The following IFNLR1 variants were observed in gnomAD, a reference collection of about 807,000 sequenced individuals.
The protein encoded by IFNLR1 is interferon lambda receptor 1, also known as CRF2-12.
A neutral mutation model predicts 52.5 loss-of-function variants in IFNLR1; 28 were observed. That is an observed-to-expected ratio of 0.53 (90% confidence interval 0.40 to 0.73). The LOEUF is 0.73. IFNLR1 is among the 30% of genes least tolerant of loss of function. The pLI, the probability that IFNLR1 is intolerant of heterozygous loss-of-function variation, is 0.00. For synonymous variants in IFNLR1, 276 were observed against 274.9 expected, an observed-to-expected ratio of 1.00 and a Z score of -0.04; for missense variants, 623 against 659.1, an observed-to-expected ratio of 0.95 and a Z score of 0.60.
At chr1:24,159,726 G>GTTTTTTTTTGTTTT in intron 4 of IFNLR1, 93 bp from the exon 5 acceptor site, 10 of 761,904 alleles carry the variant, frequency 1.3e-5, no homozygotes, top group South Asian at 4.2e-5. Context: ...ATGGTAGGGT[G>GTTTTTTTTTGTTTT]TTTTTTTTTT....
intron 1 of IFNLR1, 53 bp from the exon 2 acceptor site, chr1:24,180,907 C>T (rs1215349402): frequency 4.5e-5 from 71 of 1,583,510 alleles, no homozygotes; most frequent in Non-Finnish European, 4.1e-5. Context: ...GGTCTTGACT[C>T]AGGCCATCCC....
chr1:24,157,463 C>T lies in IFNLR1; in HGVS notation c.1230G>A (p.Lys410=). The change falls in exon 7 of 7, where the codon AAG becomes AAA. Residue 410 remains lysine (K), a synonymous_variant. Transcript: ENST00000327535. This position sits in a 1 kb window ranked among gnomAD's most constrained non-coding sequence, Gnocchi z 5.1. The part of the protein sequence containing the change: ...RAGSSGYLAE[K]GPGQGPGGDG... Reference sequence around the variant, plus strand: ...CCCCACCCGGCCCTTGGCCTGGCCCCTTCTCAGCCAAATAGCCAGAGGACC... The same window carrying T: ...CCCCACCCGGCCCTTGGCCTGGCCCTTTCTCAGCCAAATAGCCAGAGGACC... 6.2e-7 allele frequency: 1 copy of T among 1,613,998 alleles called. No homozygotes were observed. Among genetic ancestry groups the T allele is most frequent in the South Asian group, 1.1e-5 (1 of 91,064 alleles).
At chr1:24,173,290 A>G (rs1644600682) in intron 2 of IFNLR1, among the ~76,000 whole-genome samples, 1 of 152,194 alleles carries the variant, frequency 6.6e-6, no homozygotes, top group Admixed American at 6.5e-5. Context: ...ATATTTGAAT[A>G]GTCACTTCAC....
chr1:24,164,647 T>A (rs888602415), intron 3 of IFNLR1, among the ~76,000 whole-genome samples: 21 of 152,340 alleles, frequency 1.4e-4, no homozygotes, highest in African/African-American at 4.6e-4. Context: ...ATAATCTTAA[T>A]CTCTTCAAAG....
rs55824232 is a variant in IFNLR1, at chr1:24,170,842, G to C, written c.183-1241C>G. ...GAATGTGGGGAAAAGGAGAATCAAG[G>C]ATTGCTCCTGGGTTTGGGGAGTGAC... is the stretch of plus-strand genomic sequence containing the variant. On this transcript the variant is annotated intron_variant, in intron 2 of 6. Coordinates refer to ENST00000327535, the MANE Select transcript of IFNLR1 (RefSeq NM_170743.4). Among the ~76,000 whole-genome samples the C allele has an allele frequency of 8.2e-3, 1,242 of 152,328 alleles. 14 individuals are homozygous for C. Among genetic ancestry groups the C allele is most frequent in the East Asian group, 0.027 (138 of 5,184 alleles).
chr1:24,185,212 T>C (rs761360779), intron 1 of IFNLR1, among the ~76,000 whole-genome samples: 6 of 152,122 alleles, frequency 3.9e-5, no homozygotes, highest in Non-Finnish European at 8.8e-5. Flanking sequence ...AGCTATTAAG[T>C]TGTAGAATCA....
Position 24,157,205 on chromosome 1 carries a change from C to G in IFNLR1, c.1488G>C (p.Ala496=). 6.2e-7 allele frequency: 1 copy of G among 1,614,164 alleles called. No homozygotes were observed. Among genetic ancestry groups the G allele is most frequent in the Non-Finnish European group, 8.5e-7 (1 of 1,180,014 alleles). ...GGGTGCTCTCAGCCCCCCAGCTGCC[C>G]GCATCGCTGTCCTCAATTTCTGATT... The part of the protein sequence containing the change: ...ARESEIEDSD[A]GSWGAESTQR... The change falls in exon 7 of 7, where the codon GCG becomes GCC. Residue 496 remains alanine, a synonymous_variant. Coordinates refer to ENST00000327535, the MANE Select transcript of IFNLR1 (RefSeq NM_170743.4). This position sits in a 1 kb window ranked among gnomAD's most constrained non-coding sequence, Gnocchi z 5.1.
rs1199845412 is a variant in IFNLR1 at position 24,180,778 on chromosome 1, T to C, written c.135A>G (p.Pro45=). ...QNFSVYLTWL[P]GLGNPQDVTY... ...TCACATCCTGGGGGTTGCCAAGCCC[T>C]GGGAGCCATGTCAGGTACACGCTGA... is the stretch of plus-strand genomic sequence containing the variant. The change falls in exon 2 of 7, where the codon CCA becomes CCG. Residue 45 remains proline, a synonymous_variant. Transcript: ENST00000327535. The C allele has an allele frequency of 6.3e-7, 1 of 1,584,448 alleles. No homozygotes were observed. The highest frequency in any genetic ancestry group is 8.6e-7 in the Non-Finnish European group (1 of 1,162,636).
intron 1 of IFNLR1, among the ~76,000 whole-genome samples, chr1:24,182,116 C>A (rs1027380618): frequency 6.6e-6 from 1 of 151,434 alleles, no homozygotes; most frequent in Non-Finnish European, 1.5e-5. Context: ...ACGAGAATTG[C>A]TTGAACCCAG....
intron 1 of IFNLR1, among the ~76,000 whole-genome samples, chr1:24,181,392 T>C (rs988035489): frequency 9.9e-5 from 15 of 152,198 alleles, no homozygotes; most frequent in African/African-American, 3.6e-4. Flanking sequence ...AGATAAGAAC[T>C]TCGAGGCATC....
chr1:24,178,465 G>A lies in IFNLR1; in HGVS notation c.182+2266C>T, dbSNP rs543600990. ...GACTGCAGGTTTTAGGTCAGGAATT[G>A]TACCAGAGGGACCTGGAACATCTTG... On this transcript the variant is annotated intron_variant, in intron 2 of 6. Transcript: ENST00000327535. Among the ~76,000 whole-genome samples the A allele has an allele frequency of 1.6e-4, 24 of 152,234 alleles. No homozygotes were observed. In the South Asian group the frequency reaches 5.0e-3, roughly 32 times the overall value.
chr1:24,160,986 C>T (rs1024853284), intron 4 of IFNLR1, among the ~76,000 whole-genome samples: 4 of 152,076 alleles, frequency 2.6e-5, no homozygotes, highest in African/African-American at 7.2e-5. Context: ...CTCGGCCTCC[C>T]AAAGTACTGA....
chr1:24,159,496 G>A lies in IFNLR1; in HGVS notation c.648C>T (p.Thr216=). 1 of 1,614,186 alleles carries A rather than the reference G, an allele frequency of 6.2e-7. No homozygotes were observed. Among genetic ancestry groups the A allele is most frequent in the Non-Finnish European group, 8.5e-7 (1 of 1,180,012 alleles). ...CACCTGGGACCTCCAGCAAGAAGCA[G>A]GTGGGCTTAGAGAACTTGCTGTATT... The part of the protein sequence containing the change: ...VPKYSKFSKP[T]CFLLEVPEAN... Residue 216 remains threonine (T), a synonymous_variant, in exon 5 of 7, where the codon ACC becomes ACT. Coordinates refer to ENST00000327535, the MANE Select transcript of IFNLR1 (RefSeq NM_170743.4).
At chr1:24,163,878 C>T (rs575709448) in intron 3 of IFNLR1, among the ~76,000 whole-genome samples, 1 of 152,218 alleles carries the variant, frequency 6.6e-6, no homozygotes, top group African/African-American at 2.4e-5. Flanking sequence ...GATTACCCAA[C>T]CCACATCTCT....
In IFNLR1 at chr1:24,154,307, T is replaced by C. The variant is rs1644357674; in HGVS notation, c.*2823A>G. 6.6e-6 allele frequency: 1 copy of C among 152,108 alleles called. No individual in the cohort carries two copies. The highest frequency in any genetic ancestry group is 2.1e-4 in the South Asian group (1 of 4,814). 9.4% of individuals were successfully genotyped at this position (152,108 alleles called of 1,614,324 possible). On this transcript the variant is annotated 3_prime_UTR_variant, in exon 7 of 7. Coordinates refer to ENST00000327535, the MANE Select transcript of IFNLR1 (RefSeq NM_170743.4). Reference sequence around the variant, plus strand: ...ACATAAGAACAACATATACCGTTAGTAGTCTAAAGGGATACATGTTGCTTT... The same window carrying C: ...ACATAAGAACAACATATACCGTTAGCAGTCTAAAGGGATACATGTTGCTTT...
intron 3 of IFNLR1, among the ~76,000 whole-genome samples, chr1:24,162,813 TTTTTTC>T (rs1216199344): frequency 0.021 from 1,477 of 68,886 alleles, 165 homozygotes; most frequent in Non-Finnish European, 0.027. Context: ...TTTTCTTTCT[TTTTTTC>T]TTCTTTCTTT....
At position 24,171,472 on chromosome 1, in the gene IFNLR1, G is replaced by A. The variant is rs945448257; in HGVS notation, c.183-1871C>T. ...AGTTAATAACAAAAAGAGAACTAAA[G>A]GAAGTTTGAAAATTTAAAAAAATAT... On this transcript the variant is annotated intron_variant, in intron 2 of 6. Transcript: ENST00000327535. Among the ~76,000 whole-genome samples, 28 of 152,212 alleles carry A rather than the reference G, an allele frequency of 1.8e-4. 1 individual carries two copies. The highest frequency in any genetic ancestry group is 6.5e-4 in the African/African-American group (27 of 41,524).
At chr1:24,180,568 A>G (rs1324490700) in intron 2 of IFNLR1, among the ~76,000 whole-genome samples, 163 bp downstream of exon 2, 2 of 151,958 alleles carry the variant, frequency 1.3e-5, no homozygotes, top group Non-Finnish European at 2.9e-5. Context: ...CCAGACCTTT[A>G]TCAAAAGCCC....
chr1:24,169,856 CT>C (rs1644561085), intron 2 of IFNLR1, among the ~76,000 whole-genome samples: 1 of 152,244 alleles, frequency 6.6e-6, no homozygotes, highest in Non-Finnish European at 1.5e-5. Flanking sequence ...GTCCTTGCCC[CT>C]AAACCTCAGT....
Sources: allele counts gnomAD v4.1 joint callset (sites outside exome capture counted in the v4.1 genomes callset), GRCh38; gene constraint gnomAD v4.1.1; non-coding constraint Gnocchi (gnomAD v3.1); transcripts MANE v1.5; gene names NCBI Gene and HGNC (gene_info 2026-07-23, HGNC 2026-07-21).